Variants in LZTS1 observed in about 807,000 individuals in gnomAD.
The protein encoded by LZTS1 is leucine zipper tumor suppressor 1, also known as leucine zipper putative tumor suppressor 1.
Under a neutral mutation model 45.8 loss-of-function variants are expected in LZTS1, and 31 were observed. The observed-to-expected ratio is 0.68, with a 90% CI of 0.51 to 0.91. The LOEUF (loss-of-function observed/expected upper bound fraction) is 0.91. Ranked by LOEUF, LZTS1 falls within the 40% of genes least tolerant of loss-of-function variation. The pLI, the probability that LZTS1 is intolerant of heterozygous loss-of-function variation, is 0.00. For missense variants in LZTS1, 821 were observed against 788.9 expected, an observed-to-expected ratio of 1.04 and a Z score of -0.49; for synonymous variants, 359 against 357.3, an observed-to-expected ratio of 1.00 and a Z score of -0.05.
intron 2 of LZTS1, among the ~76,000 whole-genome samples, chr8:20,254,529 A>G (rs1800038743): frequency 6.6e-6 from 1 of 152,202 alleles, no homozygotes; most frequent in South Asian, 2.1e-4. Flanking sequence ...AAACGCCTGG[A>G]TCCTACGTTG....
chr8:20,279,779 G>C (rs970903491), intron 1 of LZTS1, among the ~76,000 whole-genome samples: 24 of 151,424 alleles, frequency 1.6e-4, no homozygotes, highest in Non-Finnish European at 2.9e-4. Context: ...TTGAGTTCAG[G>C]AGTTTGAGAC....
intron 1 of LZTS1, among the ~76,000 whole-genome samples, chr8:20,303,385 T>C (rs906880470): frequency 1.3e-5 from 2 of 151,950 alleles, no homozygotes; most frequent in African/African-American, 4.8e-5. Context: ...CACCTCCCAC[T>C]TCTTCACCTC....
At chr8:20,263,093 C>A (rs893833209) in intron 1 of LZTS1, among the ~76,000 whole-genome samples, 1 of 152,120 alleles carries the variant, frequency 6.6e-6, no homozygotes, top group Non-Finnish European at 1.5e-5. Context: ...ATTATTATTC[C>A]CCAGAAGAGC....
chr8:20,284,796 A>G (rs1800757930), intron 1 of LZTS1, among the ~76,000 whole-genome samples: 1 of 152,196 alleles, frequency 6.6e-6, no homozygotes, highest in Non-Finnish European at 1.5e-5. Flanking sequence ...CACAAAGGTC[A>G]TTCTAAACAC....
At chr8:20,263,227 G>A (rs540559762) in intron 1 of LZTS1, among the ~76,000 whole-genome samples, 1 of 152,180 alleles carries the variant, frequency 6.6e-6, no homozygotes, top group Non-Finnish European at 1.5e-5. Flanking sequence ...CTTGGAAGCA[G>A]GCGGAGACTG....
intron 1 of LZTS1, among the ~76,000 whole-genome samples, chr8:20,303,268 G>A (rs1801112376): frequency 6.6e-6 from 1 of 152,042 alleles, no homozygotes; most frequent in Admixed American, 6.5e-5. Flanking sequence ...CCTCCCCACC[G>A]GTGTGGACAC....
chr8:20,297,395 C>G (rs1042565729), intron 1 of LZTS1, among the ~76,000 whole-genome samples: 1 of 151,170 alleles, frequency 6.6e-6, no homozygotes, highest in Non-Finnish European at 1.5e-5. Context: ...TAGCTACATC[C>G]TACTTTATTG....
chr8:20,294,759 T>C (rs1183071665), intron 1 of LZTS1, among the ~76,000 whole-genome samples: 1 of 151,972 alleles, frequency 6.6e-6, no homozygotes, highest in Non-Finnish European at 1.5e-5. Context: ...GAAGCTACCC[T>C]GAGTGTGTAG....
At chr8:20,296,449 T>A (rs2128899619) in intron 1 of LZTS1, among the ~76,000 whole-genome samples, 1 of 152,324 alleles carries the variant, frequency 6.6e-6, no homozygotes, top group African/African-American at 2.4e-5. Flanking sequence ...AATGGGTTCG[T>A]GGCCACCTAA....
intron 1 of LZTS1, among the ~76,000 whole-genome samples, chr8:20,278,167 C>T (rs1377347697): frequency 6.6e-6 from 1 of 152,118 alleles, no homozygotes; most frequent in East Asian, 1.9e-4. Flanking sequence ...GATAGAAACA[C>T]CTGAAGCTGG....
At chr8:20,272,145 G>A (rs2410640) in intron 1 of LZTS1, among the ~76,000 whole-genome samples, 142,736 of 152,284 alleles carry the variant, frequency 0.94, 67,197 homozygotes, top group East Asian at 1. Flanking sequence ...TCAGACAATG[G>A]ACACATTTAA....
intron 1 of LZTS1, among the ~76,000 whole-genome samples, chr8:20,281,571 C>G (rs1800694322): frequency 6.7e-6 from 1 of 148,678 alleles, no homozygotes; most frequent in African/African-American, 2.5e-5. Context: ...AACTCTGTCT[C>G]AAAAAAAAAA....
intron 3 of LZTS1, 114 bp from the exon 4 acceptor site, chr8:20,250,477 T>G: frequency 9.9e-7 from 1 of 1,007,802 alleles, no homozygotes; most frequent in Non-Finnish European, 1.4e-6. Flanking sequence ...GGCCCGGTGT[T>G]AGGCATTCCA....
In LZTS1 at chr8:20,253,533, C is replaced by G. The variant is rs771666520; in HGVS notation, c.398G>C (p.Arg133Pro). Residue 133 changes from arginine to proline, a missense_variant, in exon 3 of 4, where the codon CGG becomes CCG. Physicochemically the swap from Arg to Pro is moderately radical, Grantham distance 103. Coordinates refer to ENST00000381569, the MANE Select transcript of LZTS1 (RefSeq NM_021020.5). ...GGAGGAGTGCAGGATGGCTCCTGAC[C>G]GTGGCAGCACAGGCTTGAAGGCTGT... ...RPTAFKPVLP[R>P]SGAILHSSPE... 5 of 1,527,380 alleles carry G rather than the reference C, an allele frequency of 3.3e-6. No homozygotes were observed. The highest frequency in any genetic ancestry group is 4.4e-6 in the Non-Finnish European group (5 of 1,138,888). 94.6% of individuals were successfully genotyped at this position (1,527,380 alleles called of 1,614,324 possible). A position where few individuals can be genotyped will look rare whatever the true frequency, so the allele number is the denominator to read the frequency against.
intron 1 of LZTS1, among the ~76,000 whole-genome samples, chr8:20,265,415 C>G (rs892940121): frequency 6.6e-6 from 1 of 151,970 alleles, no homozygotes; most frequent in Non-Finnish European, 1.5e-5. Context: ...GCTATAATCC[C>G]AACACTTTGG....
At chr8:20,262,421 A>C (rs1283459250) in intron 1 of LZTS1, among the ~76,000 whole-genome samples, 2 of 152,014 alleles carry the variant, frequency 1.3e-5, no homozygotes, top group Non-Finnish European at 2.9e-5. Context: ...CAGGTGTGTG[A>C]GTGTGTGTTC....
At chr8:20,277,889 G>T (rs1389335015) in intron 1 of LZTS1, among the ~76,000 whole-genome samples, 1 of 152,176 alleles carries the variant, frequency 6.6e-6, no homozygotes, top group East Asian at 1.9e-4. Context: ...CTGGAGGGAA[G>T]GCTGGGAGCA....
intron 1 of LZTS1, among the ~76,000 whole-genome samples, chr8:20,293,603 G>A (rs796405028): frequency 1.3e-5 from 2 of 152,212 alleles, no homozygotes; most frequent in Admixed American, 6.5e-5. Flanking sequence ...GGCTGGACAT[G>A]AACCTAGCCT....
intron 1 of LZTS1, among the ~76,000 whole-genome samples, chr8:20,282,728 C>T (rs1046045444): frequency 1.3e-5 from 2 of 152,172 alleles, no homozygotes; most frequent in Non-Finnish European, 2.9e-5. Context: ...TCCCCTTTTC[C>T]ACCAGTAGTT....
Sources: gnomAD v4.1 joint callset for allele counts (sites outside exome capture counted in the v4.1 genomes callset) on GRCh38, gnomAD v4.1.1 for gene constraint, MANE v1.5 for transcripts, NCBI Gene and HGNC (gene_info 2026-07-23, HGNC 2026-07-21) for gene names.